The following POF1B variants were observed in gnomAD, a reference collection of about 807,000 sequenced individuals.
POF1B encodes the protein protein POF1B.
In POF1B, 53 loss-of-function variants were observed where a neutral mutation model predicts 55.3. The observed-to-expected ratio is 0.96, with a 90% confidence interval of 0.77 to 1.20. POF1B has a LOEUF of 1.20. POF1B is among the 50% of genes most tolerant of loss of function. The probability of loss-of-function intolerance (pLI) is 0.00; values close to 1 mark genes in which losing one functional copy is unlikely to be tolerated. For missense variants in POF1B, 478 were observed against 420.5 expected, an observed-to-expected ratio of 1.14 and a Z score of -1.20; for synonymous variants, 188 against 148.3, an observed-to-expected ratio of 1.27 and a Z score of -1.95.
chrX:85,361,917 T>C (rs1371415680), intron 3 of POF1B, among the ~76,000 whole-genome samples: 1 of 109,580 alleles, frequency 9.1e-6, no homozygotes, highest in Non-Finnish European at 1.9e-5. Flanking sequence ...ATTGTAGAGA[T>C]CTTTCACCTC....
intron 2 of POF1B, among the ~76,000 whole-genome samples, chrX:85,375,015 C>G (rs184516241): frequency 1.3e-4 from 15 of 111,856 alleles, no homozygotes; most frequent in African/African-American, 4.5e-4. Context: ...TCCTCCTTCT[C>G]TCCAACCCAA....
At chrX:85,345,588 C>A (rs1254167507) in intron 6 of POF1B, among the ~76,000 whole-genome samples, 2 of 110,959 alleles carry the variant, frequency 1.8e-5, no homozygotes, top group Non-Finnish European at 3.8e-5. Context: ...CTGTTGGGCC[C>A]ATTTTAGAAC....
intron 6 of POF1B, among the ~76,000 whole-genome samples, chrX:85,342,870 T>G (rs945881965): frequency 2.7e-5 from 3 of 111,550 alleles, no homozygotes; most frequent in Non-Finnish European, 5.7e-5. Flanking sequence ...CCATGGGATC[T>G]GCACAAGCAG....
At position 85,277,522 on chromosome X, in the gene POF1B, ACTTT is replaced by A. The variant is rs1029068098; in HGVS notation, c.*1895_*1898del. The A allele has an allele frequency of 6.3e-5, 7 of 110,704 alleles. No individual in the cohort carries two copies. The highest frequency in any genetic ancestry group is 2.0e-4 in the African/African-American group (6 of 30,646). The allele number at this position is 110,704 out of a possible 1,213,427, so 9.1% of individuals were successfully genotyped here. A position where few individuals can be genotyped will look rare whatever the true frequency, so the allele number is the denominator to read the frequency against. The stretch of plus-strand genomic sequence containing the variant: ...CTATCAAATACTAGGTCTTATTTAT[ACTTT>A]CTAACTACATAGTTTTTGTACACAT... On this transcript the variant is annotated 3_prime_UTR_variant, in exon 17 of 17. Coordinates refer to ENST00000262753, the MANE Select transcript of POF1B (RefSeq NM_024921.4).
intron 3 of POF1B, among the ~76,000 whole-genome samples, chrX:85,361,452 T>C (rs1349356254): frequency 9.0e-6 from 1 of 111,539 alleles, no homozygotes; most frequent in African/African-American, 3.3e-5. Flanking sequence ...CCCAGCTCCA[T>C]TTATTGAATA....
At chrX:85,311,865 C>A (rs1603037332) in intron 9 of POF1B, among the ~76,000 whole-genome samples, 1 of 112,027 alleles carries the variant, frequency 8.9e-6, no homozygotes, top group South Asian at 3.7e-4. Context: ...TGATGATCGC[C>A]ATTCTAACTC....
At chrX:85,339,838 GA>G in intron 6 of POF1B, among the ~76,000 whole-genome samples, 1 of 111,582 alleles carries the variant, frequency 9.0e-6, no homozygotes, top group Non-Finnish European at 1.9e-5. Context: ...TGAAGGTATA[GA>G]AAAAATTTTC....
At position 85,311,547 on chromosome X, in the gene POF1B, G is replaced by T. The variant is rs987763650; in HGVS notation, c.957+2885C>A. Among the ~76,000 whole-genome samples the T allele has an allele frequency of 1.8e-4, 20 of 111,716 alleles. 1 individual carries two copies. The highest frequency in any genetic ancestry group is 2.8e-4 in the Non-Finnish European group (15 of 53,162). ...ACTCATCCTTTTTAATGGCTGCATA[G>T]TATTCCATGGTGCGTATGTCCCACA... On this transcript the variant is annotated intron_variant, in intron 9 of 16. Coordinates refer to ENST00000262753, the MANE Select transcript of POF1B (RefSeq NM_024921.4).
At chrX:85,365,246 A>G (rs2147948256) in intron 3 of POF1B, among the ~76,000 whole-genome samples, 1 of 111,044 alleles carries the variant, frequency 9.0e-6, no homozygotes. Flanking sequence ...TCTGAATTCT[A>G]TTTCTGTTAT....
intron 15 of POF1B, among the ~76,000 whole-genome samples, chrX:85,288,968 A>G (rs1169731622): frequency 8.9e-6 from 1 of 111,956 alleles, no homozygotes; most frequent in Non-Finnish European, 1.9e-5. Flanking sequence ...CATTTGAAAC[A>G]GATAATGTAA....
chrX:85,297,280 A>C (rs1467590727), intron 15 of POF1B, among the ~76,000 whole-genome samples: 1 of 112,354 alleles, frequency 8.9e-6, no homozygotes, highest in Non-Finnish European at 1.9e-5. Context: ...GTTTGAAGAT[A>C]AAGGGAAACT....
chrX:85,376,546 T>C (rs1293601139), intron 2 of POF1B, among the ~76,000 whole-genome samples: 1 of 111,686 alleles, frequency 9.0e-6, no homozygotes, highest in Non-Finnish European at 1.9e-5. Flanking sequence ...AACTGGTTTC[T>C]ACACTTAATT....
At chrX:85,342,016 T>C (rs1933182101) in intron 6 of POF1B, among the ~76,000 whole-genome samples, 1 of 111,422 alleles carries the variant, frequency 9.0e-6, no homozygotes, top group Non-Finnish European at 1.9e-5. Flanking sequence ...TGAATATTTC[T>C]TACAAATGCC....
chrX:85,282,468 C>A, intron 15 of POF1B, 151 bp from the exon 16 acceptor site: 2 of 315,385 alleles, frequency 6.3e-6, no homozygotes, highest in Non-Finnish European at 1.1e-5. Flanking sequence ...AATAAAAAAA[C>A]CCTATTTCAA....
intron 7 of POF1B, 88 bp from the exon 8 acceptor site, chrX:85,315,822 T>TA: frequency 1.4e-6 from 1 of 739,748 alleles, no homozygotes; most frequent in Non-Finnish European, 1.9e-6. Flanking sequence ...AATTTTATCT[T>TA]ACTTTTTGAA....
intron 4 of POF1B, among the ~76,000 whole-genome samples, chrX:85,356,722 G>A (rs1479364694): frequency 3.6e-5 from 4 of 111,115 alleles, no homozygotes; most frequent in African/African-American, 1.3e-4. Context: ...CTACTATTTT[G>A]GCACCTTCTT....
chrX:85,333,011 G>A (rs1428815839), intron 6 of POF1B, among the ~76,000 whole-genome samples: 4 of 110,976 alleles, frequency 3.6e-5, no homozygotes, highest in Non-Finnish European at 5.7e-5. Context: ...TATGAAAATA[G>A]ATATATATTC....
rs113167353 is a variant in POF1B, at chrX:85,379,512, G to A, written c.-41-17C>T. On this transcript the variant is annotated splice_polypyrimidine_tract_variant and intron_variant, in intron 1 of 16. Transcript: ENST00000262753. ...ATGTTCTACCTAAGGAACAAACAGA[G>A]AAATATAATGGAAAAAAAAGACAGG... is the stretch of plus-strand genomic sequence containing the variant. The A allele has an allele frequency of 9.5e-4, 1,083 of 1,135,241 alleles. 10 individuals carry two copies. In the African/African-American group the frequency reaches 0.017, roughly 18 times the overall value. The allele number at this position is 1,135,241 out of a possible 1,213,427, so 93.6% of individuals were successfully genotyped here. A position where few individuals can be genotyped will look rare whatever the true frequency, so the allele number is the denominator to read the frequency against.
chrX:85,322,154 G>C (rs962136451), intron 7 of POF1B, among the ~76,000 whole-genome samples: 2 of 111,417 alleles, frequency 1.8e-5, no homozygotes, highest in African/African-American at 6.5e-5. Flanking sequence ...TAAGCCAAAA[G>C]AACAAGGCTG....
Sources: gnomAD v4.1 joint callset for allele counts (sites outside exome capture counted in the v4.1 genomes callset) on GRCh38, gnomAD v4.1.1 for gene constraint, MANE v1.5 for transcripts, NCBI Gene and HGNC (gene_info 2026-07-23, HGNC 2026-07-21) for gene names.